Variants in CERS4 observed in about 807,000 individuals in gnomAD.
CERS4 encodes LAG1 homolog, ceramide synthase 4.
CERS4 carries 65 observed loss-of-function variants against 51.8 expected under a neutral mutation model. The observed-to-expected ratio is 1.26, with a 90% CI of 1.03 to 1.54. The LOEUF (loss-of-function observed/expected upper bound fraction) is 1.54. CERS4 is among the 40% of genes most tolerant of loss of function. The probability of loss-of-function intolerance (pLI) is 0.00; values close to 1 mark genes in which losing one functional copy is unlikely to be tolerated. For missense variants in CERS4, 563 were observed against 500.4 expected (o/e 1.13, Z -1.19); for synonymous variants, 228 against 208.4 (o/e 1.09, Z -0.81).
chr19:8,257,843 G>A, intron 9 of CERS4, 36 bp from the exon 10 acceptor site: 1 of 1,543,226 alleles, frequency 6.5e-7, no homozygotes, highest in Non-Finnish European at 9.0e-7. Context: ...CCAGGGCCCT[G>A]GTCCTGAGCC....
chr19:8,245,126 A>ACAAAAAAAAACAAAC (rs1555777241), intron 2 of CERS4, among the ~76,000 whole-genome samples: 19 of 148,224 alleles, frequency 1.3e-4, no homozygotes, highest in African/African-American at 3.8e-4. Context: ...AAAAAAAAAA[A>ACAAAAAAAAACAAAC]AAAAAAAAAC....
intron 2 of CERS4, among the ~76,000 whole-genome samples, chr19:8,224,323 C>T (rs112147548): frequency 0.091 from 13,747 of 150,418 alleles, 688 homozygotes; most frequent in East Asian, 0.16. Flanking sequence ...AGGAGAATCG[C>T]TTGAACCTGG....
At chr19:8,212,606 C>A (rs1327795951) in intron 2 of CERS4, among the ~76,000 whole-genome samples, 3 of 152,042 alleles carry the variant, frequency 2.0e-5, no homozygotes, top group African/African-American at 7.2e-5. Context: ...TTTGATAATT[C>A]AGTAGCAGGC....
At chr19:8,245,972 C>A (rs1464009509) in intron 2 of CERS4, among the ~76,000 whole-genome samples, 1 of 141,008 alleles carries the variant, frequency 7.1e-6, no homozygotes, top group Non-Finnish European at 1.5e-5. Flanking sequence ...ATAATCCCAG[C>A]AATTTGGGAG....
At chr19:8,243,455 C>T (rs1348998775) in intron 2 of CERS4, among the ~76,000 whole-genome samples, 4 of 152,074 alleles carry the variant, frequency 2.6e-5, no homozygotes. Context: ...TCTGGGATGC[C>T]TGGGCCTCGT....
At chr19:8,253,445 C>A (rs1969194891) in intron 3 of CERS4, among the ~76,000 whole-genome samples, 1 of 143,906 alleles carries the variant, frequency 6.9e-6, no homozygotes, top group South Asian at 2.2e-4. Flanking sequence ...AAAGGTCCAG[C>A]TGCCTTTTTT....
chr19:8,237,743 C>G (rs1411758409), intron 2 of CERS4, among the ~76,000 whole-genome samples: 1 of 151,556 alleles, frequency 6.6e-6, no homozygotes, highest in Non-Finnish European at 1.5e-5. Context: ...CCCAGCTACT[C>G]AGGAGGCTGA....
At chr19:8,237,724 G>A (rs541084618) in intron 2 of CERS4, among the ~76,000 whole-genome samples, 17 of 152,114 alleles carry the variant, frequency 1.1e-4, no homozygotes, top group South Asian at 2.1e-4. Context: ...GGTGGTGGGC[G>A]CCTGTAGTCC....
At position 8,255,878 on chromosome 19, in the gene CERS4, A is replaced by G; in HGVS notation, c.467A>G (p.His156Arg). The change falls in exon 6 of 12, where the codon CAC becomes CGC. Residue 156 changes from histidine (H) to arginine (R), a missense_variant and splice_region_variant. His to Arg is a conservative substitution (Grantham distance 29). Transcript: ENST00000251363. ...GTGGGCGGCCTCTCGGTCCTGTACC[A>G]CGTGAGTATACCAGAGTATAGCTGA... is the stretch of plus-strand genomic sequence containing the variant. The part of the protein sequence containing the change: ...SFVGGLSVLY[H>R]ESWLWAPVMC... 1 of 1,613,814 alleles carries G rather than the reference A, an allele frequency of 6.2e-7. No homozygotes were observed. The highest frequency in any genetic ancestry group is 1.1e-5 in the South Asian group (1 of 91,084).
intron 10 of CERS4, among the ~76,000 whole-genome samples, chr19:8,259,424 G>C (rs1477478690): frequency 6.6e-6 from 1 of 152,170 alleles, no homozygotes; most frequent in East Asian, 1.9e-4. Context: ...AGGCCGTGCA[G>C]GTCCTTGAGG....
intron 10 of CERS4, chr19:8,260,970 A>AAAAAC (rs1568543849): frequency 6.7e-6 from 1 of 150,142 alleles, no homozygotes; most frequent in East Asian, 1.9e-4. Context: ...AAAAAAAAAA[A>AAAAAC]AAAAAAACAA....
At chr19:8,212,863 G>A (rs539608240) in intron 2 of CERS4, among the ~76,000 whole-genome samples, 1 of 151,786 alleles carries the variant, frequency 6.6e-6, no homozygotes, top group East Asian at 1.9e-4. Context: ...GGCCAGGCTG[G>A]TCTCGAACTC....
intron 8 of CERS4, 26 bp from the exon 9 acceptor site, chr19:8,256,923 C>T (rs756521987): frequency 3.7e-6 from 6 of 1,614,026 alleles, no homozygotes; most frequent in Admixed American, 3.3e-5. Context: ...AGCCTCGTCC[C>T]CACTATGACC....
chr19:8,226,152 A>G (rs910366888), intron 2 of CERS4, among the ~76,000 whole-genome samples: 10 of 151,992 alleles, frequency 6.6e-5, no homozygotes, highest in Non-Finnish European at 1.5e-4. Context: ...AGCCGAAGTC[A>G]CACCACTGCA....
intron 2 of CERS4, among the ~76,000 whole-genome samples, chr19:8,245,512 C>T: frequency 6.6e-6 from 1 of 151,674 alleles, no homozygotes; most frequent in South Asian, 2.1e-4. Flanking sequence ...GCCTCCTAAA[C>T]ACTGGGGTTA....
At chr19:8,253,962 C>A (rs1009961387) in intron 3 of CERS4, among the ~76,000 whole-genome samples, 1 of 152,018 alleles carries the variant, frequency 6.6e-6, no homozygotes, top group African/African-American at 2.4e-5. Context: ...AGTGGAAAAT[C>A]GAGTCCTGCC....
At position 8,255,684 on chromosome 19, in the gene CERS4, C is replaced by A. The variant is rs1223594285; in HGVS notation, c.369C>A (p.Asn123Lys). 6.2e-7 allele frequency: 1 copy of A among 1,613,124 alleles called. No individual in the cohort carries two copies. Among genetic ancestry groups the A allele is most frequent in the South Asian group, 1.1e-5 (1 of 90,996 alleles). ...QTQRWFRRRRNQDRPQLTKKF... is the reference protein window; with the variant it reads ...QTQRWFRRRRKQDRPQLTKKF... ...AGCGATGGTTCCGGAGACGCCGGAA[C>A]CAGGATCGACCCCAGCTGACCAAGA... Residue 123 changes from asparagine to lysine, a missense_variant, in exon 5 of 12, where the codon AAC (asparagine) becomes AAA (lysine). Coordinates refer to ENST00000251363, the MANE Select transcript of CERS4 (RefSeq NM_024552.3).
intron 2 of CERS4, among the ~76,000 whole-genome samples, chr19:8,212,749 C>T (rs1273325747): frequency 6.6e-6 from 1 of 151,728 alleles, no homozygotes; most frequent in African/African-American, 2.4e-5. Context: ...AGCAATTCTC[C>T]TGCCTCAGCC....
intron 3 of CERS4, among the ~76,000 whole-genome samples, chr19:8,253,742 C>CA (rs1248239543): frequency 6.6e-6 from 1 of 152,040 alleles, no homozygotes; most frequent in African/African-American, 2.4e-5. Flanking sequence ...AGGTGCACGC[C>CA]ACCACACCCA....
Sources: allele counts gnomAD v4.1 joint callset (sites outside exome capture counted in the v4.1 genomes callset), GRCh38; gene constraint gnomAD v4.1.1; transcripts MANE v1.5; gene names NCBI Gene and HGNC (gene_info 2026-07-23, HGNC 2026-07-21).